IGF1R: variants seen among roughly 807,000 people sequenced by gnomAD.
IGF1R encodes insulin like growth factor 1 receptor.
In IGF1R, 44 loss-of-function variants were observed where a neutral mutation model predicts 144.6. That is an observed-to-expected ratio of 0.30 (90% confidence interval 0.24 to 0.39). The LOEUF is 0.39. Among genes scored for constraint, IGF1R ranks in the 10% least tolerant of loss-of-function variants. The pLI, the probability that IGF1R is intolerant of heterozygous loss-of-function variation, is 1.00. For missense variants in IGF1R, 1,355 were observed against 1,833.7 expected (o/e 0.74, Z 4.77); for synonymous variants, 795 against 722.8 (o/e 1.10, Z -1.60).
At chr15:98,954,596 C>T (rs1398156428) in intron 20 of IGF1R, among the ~76,000 whole-genome samples, 1 of 152,086 alleles carries the variant, frequency 6.6e-6, no homozygotes, top group Admixed American at 6.5e-5. Context: ...CGTCACATGG[C>T]TTGTTTGTGC....
intron 2 of IGF1R, among the ~76,000 whole-genome samples, chr15:98,803,176 G>C (rs1196665399): frequency 6.6e-6 from 1 of 152,168 alleles, no homozygotes; most frequent in African/African-American, 2.4e-5. Context: ...CACAAACTTA[G>C]TTGATACAGC....
At position 98,649,566 on chromosome 15, in the gene IGF1R, A is replaced by C. The variant is rs551277414; in HGVS notation, c.-16A>C. The C allele has an allele frequency of 2.3e-6, 3 of 1,312,080 alleles. No homozygotes were observed. Among genetic ancestry groups the C allele is most frequent in the East Asian group, 5.1e-5 (2 of 39,268 alleles). The allele number at this position is 1,312,080 out of a possible 1,614,324, so 81.3% of individuals were successfully genotyped here. A position where few individuals can be genotyped will look rare whatever the true frequency, so the allele number is the denominator to read the frequency against. On this transcript the variant is annotated 5_prime_UTR_variant, in exon 1 of 21. Coordinates refer to ENST00000650285, the MANE Select transcript of IGF1R (RefSeq NM_000875.5). ...TTTTTTTTTGAGAAAGGGGAATTTCATCCCAAATAAAAGGAATGAAGTCTG... is the reference window on the plus strand; with the variant it reads ...TTTTTTTTTGAGAAAGGGGAATTTCCTCCCAAATAAAAGGAATGAAGTCTG...
intron 2 of IGF1R, among the ~76,000 whole-genome samples, chr15:98,823,007 A>G (rs530182502): frequency 5.4e-4 from 82 of 152,312 alleles, no homozygotes; most frequent in African/African-American, 1.8e-3. Context: ...ATTGAAGTCC[A>G]TCAGTTTTAA....
chr15:98,782,502 A>T (rs554650519), intron 2 of IGF1R, among the ~76,000 whole-genome samples: 1 of 152,144 alleles, frequency 6.6e-6, no homozygotes, highest in Non-Finnish European at 1.5e-5. Context: ...AAATACTTAA[A>T]TGGGGTTATC....
intron 2 of IGF1R, among the ~76,000 whole-genome samples, chr15:98,789,248 A>G (rs2056075343): frequency 6.6e-6 from 1 of 152,232 alleles, no homozygotes; most frequent in Admixed American, 6.5e-5. Flanking sequence ...ACCCTCACTG[A>G]GTTGACAGGG....
chr15:98,730,397 A>T (rs2054471037), intron 2 of IGF1R, among the ~76,000 whole-genome samples: 1 of 152,212 alleles, frequency 6.6e-6, no homozygotes, highest in African/African-American at 2.4e-5. Context: ...TTCTATTCTA[A>T]TGCTGGTAAG....
At chr15:98,949,014 C>G (rs1040453692) in intron 20 of IGF1R, among the ~76,000 whole-genome samples, 2 of 152,236 alleles carry the variant, frequency 1.3e-5, no homozygotes, top group African/African-American at 4.8e-5. Context: ...CATCCTTACT[C>G]ATCCTCTCCA....
intron 1 of IGF1R, among the ~76,000 whole-genome samples, chr15:98,688,877 T>C (rs2053403144): frequency 6.6e-6 from 1 of 152,160 alleles, no homozygotes; most frequent in Non-Finnish European, 1.5e-5. Context: ...TGATTAATCT[T>C]GGAAGCCTCT....
At chr15:98,899,751 C>A in intron 5 of IGF1R, 130 bp downstream of exon 5, 1 of 888,176 alleles carries the variant, frequency 1.1e-6, no homozygotes, top group Non-Finnish European at 1.8e-6. Flanking sequence ...CGCAGTATTG[C>A]CTGTGCTGCT....
intron 2 of IGF1R, among the ~76,000 whole-genome samples, chr15:98,714,609 C>A (rs1417056239): frequency 6.6e-6 from 1 of 151,058 alleles, no homozygotes; most frequent in Non-Finnish European, 1.5e-5. Flanking sequence ...GGTTGTGCCA[C>A]TGCACTTCAG....
Position 98,960,831 on chromosome 15 carries a change from TA to T in IGF1R, c.*3390del, listed in dbSNP as rs1294719281. ...TCAACTTCTCCCTCACCTCCTTCCC[TA>T]GGGGTAGACAGAGATGTACCAAACC... is the stretch of plus-strand genomic sequence containing the variant. On this transcript the variant is annotated 3_prime_UTR_variant, in exon 21 of 21. Transcript: ENST00000650285. The T allele has an allele frequency of 3.4e-5, 8 of 233,598 alleles. No individual in the cohort carries two copies. Among genetic ancestry groups the T allele is most frequent in the Middle Eastern group, 1.2e-3 (1 of 812 alleles). The allele number at this position is 233,598 out of a possible 1,614,324, so 14.5% of individuals were successfully genotyped here. A position where few individuals can be genotyped will look rare whatever the true frequency, so the allele number is the denominator to read the frequency against.
chr15:98,934,112 T>C (rs548182219), intron 15 of IGF1R, among the ~76,000 whole-genome samples: 82 of 136,112 alleles, frequency 6.0e-4, no homozygotes, highest in African/African-American at 2.1e-3. Context: ...CCTAAATATT[T>C]CACTTTTTTT....
Position 98,865,119 on chromosome 15 carries a change from C to T in IGF1R, c.641-26206C>T, listed in dbSNP as rs532133829. 4.6e-5 allele frequency among the ~76,000 whole-genome samples: 7 copies of T among 152,318 alleles called. No homozygotes were observed. The South Asian group carries it at 1.4e-3, about 32-fold the overall frequency. The stretch of plus-strand genomic sequence containing the variant: ...AAAGAGGACTCCTTACAGTAGGATA[C>T]ATGATTCTGAGTTAGTTTGTGTACT... On this transcript the variant is annotated intron_variant, in intron 2 of 20. Coordinates refer to ENST00000650285, the MANE Select transcript of IGF1R (RefSeq NM_000875.5).
chr15:98,936,870 G>C (rs1377189265), intron 17 of IGF1R, among the ~76,000 whole-genome samples: 1 of 151,890 alleles, frequency 6.6e-6, no homozygotes, highest in African/African-American at 2.4e-5. Context: ...ACTTTCTCTG[G>C]CCCTCTCTGT....
At chr15:98,896,226 AC>A (rs1273900048) in intron 3 of IGF1R, among the ~76,000 whole-genome samples, 1 of 152,220 alleles carries the variant, frequency 6.6e-6, no homozygotes, top group African/African-American at 2.4e-5. Flanking sequence ...TCTGTGCTAT[AC>A]CACATGCCTT....
At chr15:98,662,213 T>C (rs528485977) in intron 1 of IGF1R, among the ~76,000 whole-genome samples, 2 of 152,002 alleles carry the variant, frequency 1.3e-5, no homozygotes, top group African/African-American at 2.4e-5. Context: ...ACTCCTGGCC[T>C]CAAGCAATCC....
At chr15:98,682,395 A>T (rs2053213647) in intron 1 of IGF1R, among the ~76,000 whole-genome samples, 1 of 152,116 alleles carries the variant, frequency 6.6e-6, no homozygotes, top group Admixed American at 6.5e-5. Flanking sequence ...GTGCTCCGAG[A>T]TGTTTTCATG....
intron 12 of IGF1R, 78 bp from the exon 13 acceptor site, chr15:98,924,447 G>GTGT: frequency 1.5e-6 from 2 of 1,366,458 alleles, no homozygotes; most frequent in Non-Finnish European, 2.1e-6. Context: ...GGAGTCCCCA[G>GTGT]TGTGGTGAGT....
chr15:98,873,293 C>G (rs558184738), intron 2 of IGF1R, among the ~76,000 whole-genome samples: 1 of 152,202 alleles, frequency 6.6e-6, no homozygotes, highest in African/African-American at 2.4e-5. Flanking sequence ...TCAAAAAAAT[C>G]TCCAATAAGT....
Sources: gnomAD v4.1 joint callset for allele counts (sites outside exome capture counted in the v4.1 genomes callset) on GRCh38, gnomAD v4.1.1 for gene constraint, MANE v1.5 for transcripts, NCBI Gene and HGNC (gene_info 2026-07-23, HGNC 2026-07-21) for gene names.